Variants in DPP6 observed in about 807,000 individuals in gnomAD.
The protein encoded by DPP6 is A-type potassium channel modulatory protein DPP6.
In DPP6, 69 loss-of-function variants were observed where a neutral mutation model predicts 122.6. That is an observed-to-expected ratio of 0.56 (90% confidence interval 0.46 to 0.69). The LOEUF (loss-of-function observed/expected upper bound fraction) is 0.69, where lower values mean the gene tolerates loss of function less well. Ranked by LOEUF, DPP6 falls within the 30% of genes least tolerant of loss-of-function variation. The pLI, the probability that DPP6 is intolerant of heterozygous loss-of-function variation, is 0.00. For missense variants in DPP6, 928 were observed against 1,116.9 expected (o/e 0.83, Z 2.41); for synonymous variants, 418 against 433.1 (o/e 0.97, Z 0.43).
At chr7:154,073,427 T>C (rs62485616) in intron 1 of DPP6, among the ~76,000 whole-genome samples, 23,576 of 144,054 alleles carry the variant, frequency 0.16, 483 homozygotes, top group East Asian at 0.32. Context: ...TCCGTGGCTC[T>C]GGCTCCTGTT....
At chr7:154,335,895 T>C (rs1241936275) in intron 1 of DPP6, among the ~76,000 whole-genome samples, 1 of 152,032 alleles carries the variant, frequency 6.6e-6, no homozygotes, top group Non-Finnish European at 1.5e-5. Flanking sequence ...AGGGCGGAGA[T>C]AGAGCATGCT....
At chr7:154,525,638 TAA>T (rs1827344422) in intron 3 of DPP6, among the ~76,000 whole-genome samples, 2 of 152,250 alleles carry the variant, frequency 1.3e-5, no homozygotes, top group Admixed American at 1.3e-4. Context: ...TCAGTTTCAT[TAA>T]AGTCAGAGAA....
At chr7:154,080,258 G>A (rs1022922571) in intron 1 of DPP6, among the ~76,000 whole-genome samples, 8 of 152,134 alleles carry the variant, frequency 5.3e-5, no homozygotes, top group African/African-American at 1.9e-4. Context: ...CTTGGGAGAA[G>A]ATTGGCCGTT....
At chr7:154,104,632 G>A (rs1328760307) in intron 1 of DPP6, among the ~76,000 whole-genome samples, 1 of 152,260 alleles carries the variant, frequency 6.6e-6, no homozygotes, top group Non-Finnish European at 1.5e-5. Flanking sequence ...TGCTGTGCAG[G>A]CATCTGCCTG....
In DPP6 at chr7:154,821,387, A is replaced by G. The variant is rs567370695; in HGVS notation, c.1666+14275A>G. On this transcript the variant is annotated intron_variant, in intron 16 of 25. Coordinates refer to ENST00000377770, the MANE Select transcript of DPP6 (RefSeq NM_130797.4). This position sits in a 1 kb window ranked among gnomAD's most constrained non-coding sequence, Gnocchi z 4.2. ...TCTGCCTTCAGTCCTTTTTGCCACT[A>G]GATCCAACATGGATAGACAGATAAT... Among the ~76,000 whole-genome samples the G allele has an allele frequency of 1.6e-4, 24 of 152,076 alleles. No homozygotes were observed. The highest frequency in any genetic ancestry group is 5.8e-4 in the African/African-American group (24 of 41,456).
intron 1 of DPP6, among the ~76,000 whole-genome samples, chr7:153,963,343 T>G (rs7786402): frequency 0.65 from 96,317 of 148,174 alleles, 32,731 homozygotes; most frequent in East Asian, 0.93. Flanking sequence ...CTCCCTCGTC[T>G]TGCTCCTTCA....
intron 1 of DPP6, among the ~76,000 whole-genome samples, chr7:153,919,347 ATGCC>A (rs1299678643): frequency 2.0e-5 from 3 of 152,172 alleles, no homozygotes; most frequent in Non-Finnish European, 4.4e-5. Flanking sequence ...CATCGTCCGA[ATGCC>A]TGGCTGGGGA....
chr7:153,998,004 A>G (rs2129044725), intron 1 of DPP6, among the ~76,000 whole-genome samples: 1 of 151,758 alleles, frequency 6.6e-6, no homozygotes, highest in South Asian at 2.1e-4. Flanking sequence ...AGAAAGGTCC[A>G]GCACCATCAG....
intron 1 of DPP6, among the ~76,000 whole-genome samples, chr7:154,004,957 A>T (rs1797851087): frequency 6.6e-6 from 1 of 152,154 alleles, no homozygotes; most frequent in Admixed American, 6.5e-5. Flanking sequence ...GAGGGTCATG[A>T]TAGTCCGTTA....
rs1823468147 is a variant in DPP6 at position 154,483,156 on chromosome 7, ACTT to A, written c.457+8122_457+8124del. 6.6e-6 allele frequency among the ~76,000 whole-genome samples: 1 copy of A among 152,016 alleles called. No homozygotes were observed. The highest frequency in any genetic ancestry group is 2.4e-5 in the African/African-American group (1 of 41,388). ...GTGTGGTCAGGGAGGCAGGAGGAGA[ACTT>A]CTACCACGCCACGTCAAAGTCAAGG... On this transcript the variant is annotated intron_variant, in intron 3 of 25. Transcript: ENST00000377770. This position sits in a 1 kb window ranked among gnomAD's most constrained non-coding sequence, Gnocchi z 8.1.
the DPP6 span, among the ~76,000 whole-genome samples, chr7:153,824,117 G>C: frequency 5.3e-5 from 8 of 152,242 alleles, no homozygotes; most frequent in African/African-American, 1.4e-4. Flanking sequence ...GGTTGGGCGC[G>C]GTGGCTTACG....
the DPP6 span, among the ~76,000 whole-genome samples, chr7:153,783,306 C>T: frequency 1.3e-5 from 2 of 152,258 alleles, no homozygotes; most frequent in African/African-American, 4.8e-5. Flanking sequence ...GCGGAAGACA[C>T]CTCTTCCCTG....
chr7:153,830,941 G>T, the DPP6 span, among the ~76,000 whole-genome samples: 1 of 152,076 alleles, frequency 6.6e-6, no homozygotes, highest in Non-Finnish European at 1.5e-5. Context: ...TTCACTTAGC[G>T]TCCATACATA....
At chr7:154,772,726 A>G (rs1274945717) in intron 9 of DPP6, 119 bp from the exon 10 acceptor site, 11 of 1,355,302 alleles carry the variant, frequency 8.1e-6, no homozygotes, top group East Asian at 2.5e-5. Context: ...GCTCCTTAAT[A>G]TGGAGCTCCA....
the DPP6 span, among the ~76,000 whole-genome samples, chr7:153,825,749 C>T: frequency 6.6e-6 from 1 of 151,902 alleles, no homozygotes; most frequent in Non-Finnish European, 1.5e-5. Flanking sequence ...TTAGTAGAAA[C>T]GAGGTTTTGC....
chr7:154,008,328 G>A (rs1167587000), intron 1 of DPP6, among the ~76,000 whole-genome samples: 1 of 152,198 alleles, frequency 6.6e-6, no homozygotes, highest in African/African-American at 2.4e-5. Flanking sequence ...GCAGAACAAA[G>A]CTGGTATCAA....
the DPP6 span, among the ~76,000 whole-genome samples, chr7:153,795,913 T>G: frequency 0.34 from 50,577 of 148,386 alleles, 9,222 homozygotes; most frequent in South Asian, 0.47. Context: ...TCCAAATATT[T>G]GGATATATTC....
At chr7:153,831,621 C>T in the DPP6 span, among the ~76,000 whole-genome samples, 36,524 of 152,104 alleles carry the variant, frequency 0.24, 5,285 homozygotes, top group East Asian at 0.4. Context: ...GCTATTATGC[C>T]AATAAAATTT....
intron 1 of DPP6, among the ~76,000 whole-genome samples, chr7:154,286,733 C>G (rs1236924697): frequency 6.6e-6 from 1 of 151,836 alleles, no homozygotes; most frequent in Non-Finnish European, 1.5e-5. Flanking sequence ...TCTCCCCTCA[C>G]TCTTCCTGGC....
Sources: gnomAD v4.1 joint callset for allele counts (sites outside exome capture counted in the v4.1 genomes callset) on GRCh38, gnomAD v4.1.1 for gene constraint, Gnocchi (gnomAD v3.1) non-coding constraint, MANE v1.5 for transcripts, NCBI Gene and HGNC (gene_info 2026-07-23, HGNC 2026-07-21) for gene names.